BCKDHB: variants seen among roughly 807,000 people sequenced by gnomAD.
The protein encoded by BCKDHB is 2-oxoisovalerate dehydrogenase subunit beta, mitochondrial.
In BCKDHB, 41 loss-of-function variants were observed where a neutral mutation model predicts 48.5. The observed-to-expected ratio is 0.85, with a 90% CI of 0.66 to 1.10. BCKDHB has a LOEUF of 1.10. Ranked by LOEUF, BCKDHB falls within the 50% of genes least tolerant of loss-of-function variation. BCKDHB has a pLI of 0.00. For synonymous variants in BCKDHB, 201 were observed against 174.8 expected, an observed-to-expected ratio of 1.15 and a Z score of -1.18; for missense variants, 496 against 494.2, an observed-to-expected ratio of 1.00 and a Z score of -0.03.
At chr6:80,392,690 CT>C in the BCKDHB span, among the ~76,000 whole-genome samples, 1 of 151,486 alleles carries the variant, frequency 6.6e-6, no homozygotes, top group African/African-American at 2.4e-5. Context: ...CAGAGATATA[CT>C]TTTTCTGTCA....
At chr6:80,359,401 C>T in the BCKDHB span, among the ~76,000 whole-genome samples, 1 of 152,202 alleles carries the variant, frequency 6.6e-6, no homozygotes, top group Admixed American at 6.5e-5. Context: ...CACCACCCTT[C>T]CCGTGGTGAA....
At chr6:80,431,343 G>C in the BCKDHB span, among the ~76,000 whole-genome samples, 2 of 152,128 alleles carry the variant, frequency 1.3e-5, no homozygotes, top group African/African-American at 4.8e-5. Flanking sequence ...GGCCTGCTTG[G>C]TCCAGAGCTG....
chr6:80,235,541 G>A (rs778629672), intron 8 of BCKDHB, among the ~76,000 whole-genome samples: 9 of 152,152 alleles, frequency 5.9e-5, no homozygotes, highest in Non-Finnish European at 1.3e-4. Flanking sequence ...TTTTGAATTA[G>A]TGTCTGAGCT....
At chr6:80,169,754 G>A in intron 5 of BCKDHB, 2 of 1,519,148 alleles carry the variant, frequency 1.3e-6, no homozygotes, top group Non-Finnish European at 1.8e-6. Flanking sequence ...CACATGAATT[G>A]ATTGTGAGCA....
intron 8 of BCKDHB, among the ~76,000 whole-genome samples, chr6:80,213,965 G>C (rs1455119590): frequency 1.3e-5 from 2 of 152,140 alleles, no homozygotes; most frequent in Non-Finnish European, 2.9e-5. Context: ...GGGAGTGACA[G>C]TAGCTGGGAG....
intron 9 of BCKDHB, among the ~76,000 whole-genome samples, chr6:80,309,826 T>G (rs1294361070): frequency 2.0e-5 from 3 of 152,198 alleles, no homozygotes; most frequent in Non-Finnish European, 4.4e-5. Context: ...TAGTAACTGA[T>G]AGGTAGCTTT....
At chr6:80,323,627 A>G (rs1211192342) in intron 9 of BCKDHB, among the ~76,000 whole-genome samples, 1 of 152,130 alleles carries the variant, frequency 6.6e-6, no homozygotes, top group African/African-American at 2.4e-5. Flanking sequence ...TCCCTAACAT[A>G]CACTTTCTCA....
At chr6:80,188,598 C>T (rs1386458687) in intron 6 of BCKDHB, among the ~76,000 whole-genome samples, 1 of 151,980 alleles carries the variant, frequency 6.6e-6, no homozygotes, top group Non-Finnish European at 1.5e-5. Flanking sequence ...CGAGATTGCA[C>T]CACTGCACTC....
intron 1 of BCKDHB, among the ~76,000 whole-genome samples, chr6:80,107,537 A>G (rs1318258839): frequency 7.2e-6 from 1 of 138,214 alleles, no homozygotes; most frequent in Non-Finnish European, 1.5e-5. Context: ...ATGCATATAT[A>G]TATATGCACA....
intron 6 of BCKDHB, among the ~76,000 whole-genome samples, chr6:80,171,819 T>C (rs144605980): frequency 1.3e-5 from 2 of 152,266 alleles, no homozygotes; most frequent in East Asian, 3.9e-4. Flanking sequence ...TGCTGTGCTG[T>C]CAGGTCTATG....
chr6:80,402,872 A>G, the BCKDHB span, among the ~76,000 whole-genome samples: 2 of 151,900 alleles, frequency 1.3e-5, no homozygotes, highest in Admixed American at 6.6e-5. Flanking sequence ...TCCTTGCTCC[A>G]TTGCATATTC....
At chr6:80,239,438 T>G (rs1472030212) in intron 8 of BCKDHB, among the ~76,000 whole-genome samples, 1 of 152,194 alleles carries the variant, frequency 6.6e-6, no homozygotes, top group Non-Finnish European at 1.5e-5. Flanking sequence ...CGCCCACTTT[T>G]TGATGGGGTT....
At chr6:80,154,272 C>T (rs1386558685) in intron 3 of BCKDHB, among the ~76,000 whole-genome samples, 1 of 152,120 alleles carries the variant, frequency 6.6e-6, no homozygotes, top group African/African-American at 2.4e-5. Context: ...CAACTAACTA[C>T]AGTGCTTTGT....
intron 9 of BCKDHB, among the ~76,000 whole-genome samples, chr6:80,297,787 T>C (rs1767330788): frequency 6.6e-6 from 1 of 152,168 alleles, no homozygotes; most frequent in Non-Finnish European, 1.5e-5. Flanking sequence ...TGCCATTAGC[T>C]AGCCCCAAAA....
chr6:80,258,806 A>G (rs1271134129), intron 8 of BCKDHB, among the ~76,000 whole-genome samples: 1 of 151,864 alleles, frequency 6.6e-6, no homozygotes, highest in South Asian at 2.1e-4. Flanking sequence ...ACTGATGCTC[A>G]AGTTAACAAC....
chr6:80,314,554 C>T (rs1768338107), intron 9 of BCKDHB, among the ~76,000 whole-genome samples: 1 of 152,244 alleles, frequency 6.6e-6, no homozygotes, highest in Non-Finnish European at 1.5e-5. Flanking sequence ...GGAGGACCCA[C>T]CCTCGAGGGG....
the BCKDHB span, among the ~76,000 whole-genome samples, chr6:80,405,883 T>C: frequency 6.6e-6 from 1 of 152,156 alleles, no homozygotes; most frequent in Non-Finnish European, 1.5e-5. Flanking sequence ...ACGAGCAGGT[T>C]TGTTACACAG....
chr6:80,323,999 C>G (rs149671834), intron 9 of BCKDHB, among the ~76,000 whole-genome samples: 1,820 of 152,238 alleles, frequency 0.012, 15 homozygotes, highest in Non-Finnish European at 0.019. Flanking sequence ...GTCTCGATCT[C>G]CTGACCTCGT....
Position 80,345,534 on chromosome 6 carries a change from T to C in BCKDHB, c.*1730T>C. The stretch of plus-strand genomic sequence containing the variant: ...CCTACATTTTCTGTCTGTTCTAGTC[T>C]AAGAATATTGTTATAGATGGAAGTT... On this transcript the variant is annotated 3_prime_UTR_variant, in exon 10 of 10. Coordinates refer to ENST00000320393, the MANE Select transcript of BCKDHB (RefSeq NM_183050.4). 6.6e-6 allele frequency: 1 copy of C among 152,226 alleles called. No homozygotes were observed. Among genetic ancestry groups the C allele is most frequent in the Non-Finnish European group, 1.5e-5 (1 of 68,048 alleles). 9.4% of individuals were successfully genotyped at this position (152,226 alleles called of 1,614,324 possible).
Sources: allele counts gnomAD v4.1 joint callset (sites outside exome capture counted in the v4.1 genomes callset), GRCh38; gene constraint gnomAD v4.1.1; transcripts MANE v1.5; gene names NCBI Gene and HGNC (gene_info 2026-07-23, HGNC 2026-07-21).